PCNT: variants seen among roughly 807,000 people sequenced by gnomAD.
The protein encoded by PCNT is pericentrin, also known as kendrin.
PCNT carries 319 observed loss-of-function variants against 380.4 expected under a neutral mutation model. That is an observed-to-expected ratio of 0.84 (90% CI 0.77 to 0.92). PCNT has a LOEUF of 0.92. Ranked by LOEUF, PCNT falls within the 40% of genes least tolerant of loss-of-function variation. PCNT has a pLI of 0.00. For synonymous variants in PCNT, 1,845 were observed against 1,735.2 expected, an observed-to-expected ratio of 1.06 and a Z score of -1.57; for missense variants, 4,400 against 4,255.3, an observed-to-expected ratio of 1.03 and a Z score of -0.95.
Position 46,411,301 on chromosome 21 carries a change from A to G in PCNT, c.5228A>G (p.His1743Arg). The stretch of plus-strand genomic sequence containing the variant: ...AAAGCAGAGGAAATTGAACAACTCC[A>G]TGAAGTCATTGAGAAGCTGCAGCAC... ...KEKAEEIEQL[H>R]EVIEKLQHEL... The change falls in exon 28 of 47, where the codon CAT becomes CGT. Residue 1743 changes from histidine (H) to arginine (R), a missense_variant. Transcript: ENST00000359568. The G allele has an allele frequency of 1.9e-6, 3 of 1,614,222 alleles. No homozygotes were observed. Among genetic ancestry groups the G allele is most frequent in the Admixed American group, 1.7e-5 (1 of 60,034 alleles).
At chr21:46,435,614 C>T (rs1327866426) in intron 38 of PCNT, among the ~76,000 whole-genome samples, 1 of 152,036 alleles carries the variant, frequency 6.6e-6, no homozygotes, top group Non-Finnish European at 1.5e-5. Flanking sequence ...GCAATCTCGG[C>T]TCACTGCAAG....
chr21:46,366,560 C>G (rs768535962), intron 14 of PCNT, 24 bp from the exon 15 acceptor site: 2 of 1,602,248 alleles, frequency 1.2e-6, no homozygotes, highest in Non-Finnish European at 8.6e-7. Context: ...GTTTAACTGT[C>G]CTGTGTTCAC....
rs1242242199 is a variant in PCNT at position 46,367,053 on chromosome 21, C to T, written c.3079C>T (p.Leu1027=). ...ACTGAAGCGGAAACACGAAGGGGAGCTACAGTCTGTGCGGGACCACCTGCG... is the reference window on the plus strand; with the variant it reads ...ACTGAAGCGGAAACACGAAGGGGAGTTACAGTCTGTGCGGGACCACCTGCG... ...EKLKRKHEGE[L]QSVRDHLRTE... The change falls in exon 15 of 47, where the codon CTA becomes TTA. Residue 1027 remains leucine, a synonymous_variant. Coordinates refer to ENST00000359568, the MANE Select transcript of PCNT (RefSeq NM_006031.6). 1 of 1,614,000 alleles carries T rather than the reference C, an allele frequency of 6.2e-7. No individual in the cohort carries two copies. Among genetic ancestry groups the T allele is most frequent in the Non-Finnish European group, 8.5e-7 (1 of 1,179,992 alleles).
rs767415490 is a variant in PCNT at position 46,411,247 on chromosome 21, A to C, written c.5174A>C (p.Gln1725Pro). 2.5e-6 allele frequency: 4 copies of C among 1,614,192 alleles called. No homozygotes were observed. The East Asian group carries it at 8.9e-5, about 36-fold the overall frequency. ...EELKATIENL[Q>P]ENQKRLQKEK... Reference sequence around the variant, plus strand: ...CTGAAAGCCACTATTGAAAATCTGCAAGAGAATCAGAAACGATTACAAAAG... The same window carrying C: ...CTGAAAGCCACTATTGAAAATCTGCCAGAGAATCAGAAACGATTACAAAAG... The change falls in exon 28 of 47, where the codon CAA becomes CCA. Residue 1725 changes from glutamine to proline, a missense_variant. Coordinates refer to ENST00000359568, the MANE Select transcript of PCNT (RefSeq NM_006031.6).
At position 46,442,540 on chromosome 21, in the gene PCNT, G is replaced by A. The variant is rs551498830; in HGVS notation, c.9667G>A (p.Gly3223Arg). Residue 3223 changes from glycine to arginine, a missense_variant, in exon 44 of 47, where the codon GGA becomes AGA. Gly to Arg is a moderately radical substitution (Grantham distance 125). Transcript: ENST00000359568. The part of the protein sequence containing the change: ...VKKWQEVDRK[G>R]ALAQGKAPRP... ...GAAATGGCAAGAAGTAGATCGGAAA[G>A]GAGCTCTGGCACAAGGCAAAGCCCC... 2 of 1,613,000 alleles carry A rather than the reference G, an allele frequency of 1.2e-6. No homozygotes were observed. Among genetic ancestry groups the A allele is most frequent in the East Asian group, 4.5e-5 (2 of 44,844 alleles).
At chr21:46,325,385 G>C (rs1181985120) in intron 1 of PCNT, among the ~76,000 whole-genome samples, 1 of 152,242 alleles carries the variant, frequency 6.6e-6, no homozygotes, top group Non-Finnish European at 1.5e-5. Flanking sequence ...GCTCCCAGGA[G>C]GGTGGAGGGG....
In PCNT at chr21:46,411,600, G is replaced by A. The variant is rs771490397; in HGVS notation, c.5527G>A (p.Ala1843Thr). 4.3e-6 allele frequency: 7 copies of A among 1,613,066 alleles called. No individual in the cohort carries two copies. The South Asian group carries it at 7.7e-5, about 18-fold the overall frequency. Residue 1843 changes from alanine (A) to threonine (T), a missense_variant, in exon 28 of 47, where the codon GCC (alanine) becomes ACC (threonine). Coordinates refer to ENST00000359568, the MANE Select transcript of PCNT (RefSeq NM_006031.6). The part of the protein sequence containing the change: ...LQLAELERNV[A>T]LREAEVEDMA... ...GCTGGCTGAGCTGGAGCGCAATGTAGCCCTCAGGGAGGCTGAGGTCGAAGA... is the reference window on the plus strand; with the variant it reads ...GCTGGCTGAGCTGGAGCGCAATGTAACCCTCAGGGAGGCTGAGGTCGAAGA...
At chr21:46,353,850 C>T in intron 10 of PCNT, 137 bp from the exon 11 acceptor site, 1 of 757,062 alleles carries the variant, frequency 1.3e-6, no homozygotes, top group South Asian at 1.5e-5. Context: ...CGGCTCCCCG[C>T]ACATGGACAT....
At chr21:46,331,891 G>A (rs1346639558) in intron 2 of PCNT, among the ~76,000 whole-genome samples, 1 of 152,218 alleles carries the variant, frequency 6.6e-6, no homozygotes, top group Non-Finnish European at 1.5e-5. Context: ...GGGACGCATT[G>A]GCTCATGCCT....
chr21:46,418,288 G>A lies in PCNT; in HGVS notation c.7006G>A (p.Ala2336Thr), dbSNP rs144612972. The change falls in exon 31 of 47, where the codon GCT (alanine) becomes ACT (threonine). Residue 2336 changes from alanine (A) to threonine (T), a missense_variant. Coordinates refer to ENST00000359568, the MANE Select transcript of PCNT (RefSeq NM_006031.6). ...ACCTCCTCCTGGATTAGAAGGAAAA[G>A]CTGATAGAAGTGAGAAAAGTGAGTT... The part of the protein sequence containing the change: ...SSPPPGLEGK[A>T]DRSEKSDGSG... 74 of 1,590,858 alleles carry A rather than the reference G, an allele frequency of 4.7e-5. No individual in the cohort carries two copies. Among genetic ancestry groups the A allele is most frequent in the Non-Finnish European group, 6.1e-5 (71 of 1,158,950 alleles).
At chr21:46,377,751 G>T (rs2147091485) in intron 15 of PCNT, among the ~76,000 whole-genome samples, 1 of 152,334 alleles carries the variant, frequency 6.6e-6, no homozygotes, top group South Asian at 2.1e-4. Flanking sequence ...AGAGGCTGAG[G>T]TGGGAGGACC....
Position 46,325,113 on chromosome 21 carries a change from G to T in PCNT, c.54+831G>T. The T allele has an allele frequency of 3.0e-6, 3 of 985,514 alleles. No homozygotes were observed. The South Asian group carries it at 1.4e-4, about 46-fold the overall frequency. 61.0% of individuals were successfully genotyped at this position (985,514 alleles called of 1,614,324 possible). A position where few individuals can be genotyped will look rare whatever the true frequency, so the allele number is the denominator to read the frequency against. ...TTTGATGGCCACTGTCCTAGGTTTC[G>T]TGGGAATAAAGCGCGCAGAGCCCAT... On this transcript the variant is annotated intron_variant, in intron 1 of 46. Transcript: ENST00000359568.
chr21:46,383,602 C>T (rs1359807972), intron 16 of PCNT, among the ~76,000 whole-genome samples: 6 of 135,370 alleles, frequency 4.4e-5, no homozygotes, highest in Non-Finnish European at 9.3e-5. Flanking sequence ...GCAGCGGAAG[C>T]GCATTCATGG....
chr21:46,361,064 A>G (rs1408112146), intron 13 of PCNT, among the ~76,000 whole-genome samples: 6 of 152,056 alleles, frequency 3.9e-5, no homozygotes, highest in South Asian at 2.1e-4. Context: ...TCCTCTTTGC[A>G]TTATGTTTTT....
chr21:46,435,658 T>C (rs1012291561), intron 38 of PCNT, among the ~76,000 whole-genome samples: 1 of 152,076 alleles, frequency 6.6e-6, no homozygotes, highest in Non-Finnish European at 1.5e-5. Context: ...TTCTCCTGCC[T>C]CATCCTCTCG....
chr21:46,357,039 G>A lies in PCNT; in HGVS notation c.2002G>A (p.Ala668Thr). The change falls in exon 13 of 47, where the codon GCC (alanine) becomes ACC (threonine). Residue 668 changes from alanine to threonine, a missense_variant. Physicochemically the swap from Ala to Thr is moderately conservative, Grantham distance 58. Transcript: ENST00000359568. ...CTTGGAGGCCGACACAGAGCGGGCA[G>A]CCAGAGTCTTGGGTCTGGAAACTGA... ...GDLEADTERA[A>T]RVLGLETEHK... The A allele has an allele frequency of 6.2e-7, 1 of 1,614,248 alleles. No homozygotes were observed. Among genetic ancestry groups the A allele is most frequent in the Non-Finnish European group, 8.5e-7 (1 of 1,180,048 alleles).
In PCNT at chr21:46,357,203, C is replaced by T. The variant is rs772035964; in HGVS notation, c.2154+12C>T. On this transcript the variant is annotated intron_variant, in intron 13 of 46. Transcript: ENST00000359568. The stretch of plus-strand genomic sequence containing the variant: ...ACGATTTGGAGAAGGTGAGTCGTGA[C>T]TCCACAGCCCAGCGCCTCCCGCCCG... 1.3e-6 allele frequency: 2 copies of T among 1,569,860 alleles called. No individual in the cohort carries two copies. Among genetic ancestry groups the T allele is most frequent in the East Asian group, 4.5e-5 (2 of 44,690 alleles).
intron 3 of PCNT, among the ~76,000 whole-genome samples, chr21:46,339,709 A>G (rs910451607): frequency 2.0e-5 from 3 of 152,216 alleles, no homozygotes; most frequent in African/African-American, 7.2e-5. Context: ...TGCCTTTCCC[A>G]GTCCATTGAC....
Position 46,346,334 on chromosome 21 carries a change from G to A in PCNT, c.720+126G>A, listed in dbSNP as rs942245865. 18 of 808,272 alleles carry A rather than the reference G, an allele frequency of 2.2e-5. No individual in the cohort carries two copies. The East Asian group carries it at 3.7e-4, about 16-fold the overall frequency. 50.1% of individuals were successfully genotyped at this position (808,272 alleles called of 1,614,324 possible). On this transcript the variant is annotated intron_variant, in intron 4 of 46. Coordinates refer to ENST00000359568, the MANE Select transcript of PCNT (RefSeq NM_006031.6). ...CTTTCTCTGAGTTGTCTGTTTCCAC[G>A]TTCTGTGTGTGGGGCCATCAGCAGG...
Sources: allele counts gnomAD v4.1 joint callset (sites outside exome capture counted in the v4.1 genomes callset), GRCh38; gene constraint gnomAD v4.1.1; transcripts MANE v1.5; gene names NCBI Gene and HGNC (gene_info 2026-07-23, HGNC 2026-07-21).